Variants in ZMYM2 observed in about 807,000 individuals in gnomAD.
ZMYM2 encodes zinc finger MYM-type containing 2, also known as zinc finger MYM-type protein 2.
A neutral mutation model predicts 162.8 loss-of-function variants in ZMYM2; 56 were observed. The ratio of observed to expected loss-of-function variants is 0.34; its 90% CI spans 0.28 to 0.43. The LOEUF (loss-of-function observed/expected upper bound fraction) is 0.43. Ranked by LOEUF, ZMYM2 falls within the 20% of genes least tolerant of loss-of-function variation. The pLI, the probability that ZMYM2 is intolerant of heterozygous loss-of-function variation, is 1.00. For synonymous variants in ZMYM2, 510 were observed against 541.6 expected (o/e 0.94, Z 0.81); for missense variants, 1,275 against 1,621.8 (o/e 0.79, Z 3.67).
chr13:19,877,989 CCCA>C, the ZMYM2 span, among the ~76,000 whole-genome samples: 1 of 152,072 alleles, frequency 6.6e-6, no homozygotes, highest in Admixed American at 6.6e-5. Flanking sequence ...ATTTTACATT[CCCA>C]CCAACAGTGC....
At chr13:19,991,717 A>G (rs1049772537) in intron 2 of ZMYM2, among the ~76,000 whole-genome samples, 1 of 150,890 alleles carries the variant, frequency 6.6e-6, no homozygotes, top group African/African-American at 2.4e-5. Flanking sequence ...ATCAGCCTCA[A>G]ACTCCCGGCC....
chr13:20,034,695 G>C (rs528255595), intron 11 of ZMYM2, among the ~76,000 whole-genome samples: 1 of 152,224 alleles, frequency 6.6e-6, no homozygotes, highest in South Asian at 2.1e-4. Context: ...TCTGAAAGTT[G>C]GTTTTCCAAG....
chr13:19,863,925 G>T, the ZMYM2 span: 2 of 20,384 alleles, frequency 9.8e-5, no homozygotes, highest in Non-Finnish European at 7.0e-4. Context: ...GGTCCGCCAG[G>T]GTCAGGAGCC....
At position 20,088,206 on chromosome 13, in the gene ZMYM2, G is replaced by A. The variant is rs1266760375; in HGVS notation, c.*2192G>A. ...TTGCAATCCAACGATAGATTAACTT[G>A]ATTCTCAGGGGGAAAAGAAAAACTT... is the stretch of plus-strand genomic sequence containing the variant. On this transcript the variant is annotated 3_prime_UTR_variant, in exon 25 of 25. Transcript: ENST00000610343. 4.8e-6 allele frequency: 1 copy of A among 206,888 alleles called. No homozygotes were observed. Among genetic ancestry groups the A allele is most frequent in the Non-Finnish European group, 9.9e-6 (1 of 101,328 alleles). The allele number at this position is 206,888 out of a possible 1,614,324, so 12.8% of individuals were successfully genotyped here. A position where few individuals can be genotyped will look rare whatever the true frequency, so the allele number is the denominator to read the frequency against.
rs548102275 is a variant in ZMYM2 at position 20,082,985 on chromosome 13, C to A, written c.3773C>A (p.Ala1258Glu). ...AATCCTTTAACGATGGAAAACAAAG[C>A]GTGTCTTCGATACCAAGTGTCTTCC... is the stretch of plus-strand genomic sequence containing the variant. ...KKNPLTMENK[A>E]CLRYQVSSLC... The change falls in exon 23 of 25, where the codon GCG becomes GAG. Residue 1258 changes from alanine (A) to glutamate (E), a missense_variant. This residue lies in a region of ZMYM2 where 103 missense variants were observed against 192.2 expected (regional missense o/e 0.54). Coordinates refer to ENST00000610343, the MANE Select transcript of ZMYM2 (RefSeq NM_197968.4). The A allele has an allele frequency of 6.2e-7, 1 of 1,613,858 alleles. No individual in the cohort carries two copies.
chr13:20,005,446 A>G (rs934605747), intron 5 of ZMYM2, among the ~76,000 whole-genome samples: 7 of 151,970 alleles, frequency 4.6e-5, no homozygotes, highest in African/African-American at 1.5e-4. Context: ...CTCCCAGAGG[A>G]TGATTTCGGA....
the ZMYM2 span, among the ~76,000 whole-genome samples, chr13:19,868,140 C>A: frequency 6.6e-6 from 1 of 152,204 alleles, no homozygotes; most frequent in East Asian, 1.9e-4. Flanking sequence ...ACCACCTGAT[C>A]TGTGTATATG....
intron 7 of ZMYM2, 175 bp from the exon 8 acceptor site, chr13:20,026,437 T>C: frequency 1.9e-6 from 1 of 527,572 alleles, no homozygotes; most frequent in Non-Finnish European, 3.2e-6. Context: ...TGTTTGGACC[T>C]TAGCAGTTGT....
chr13:19,884,220 T>C, the ZMYM2 span, among the ~76,000 whole-genome samples: 4 of 151,898 alleles, frequency 2.6e-5, no homozygotes, highest in Admixed American at 2.6e-4. Context: ...AATTTAAAAA[T>C]TAGCCAAGCA....
At chr13:19,870,580 TTTCC>T in the ZMYM2 span, among the ~76,000 whole-genome samples, 22 of 132,068 alleles carry the variant, frequency 1.7e-4, no homozygotes, top group African/African-American at 5.0e-4. Flanking sequence ...CCTTCTTTCC[TTTCC>T]TTCCTTCCTT....
the ZMYM2 span, among the ~76,000 whole-genome samples, chr13:19,903,286 A>C: frequency 6.6e-6 from 1 of 151,622 alleles, no homozygotes; most frequent in East Asian, 2.0e-4. Context: ...CCATGATTGC[A>C]ACACTGCACT....
At position 19,981,906 on chromosome 13, in the gene ZMYM2, A is replaced by G. The variant is rs143978084; in HGVS notation, c.-10-11157A>G. Among the ~76,000 whole-genome samples, 458 of 152,280 alleles carry G rather than the reference A, an allele frequency of 3.0e-3. 4 individuals carry two copies. The highest frequency in any genetic ancestry group is 0.01 in the African/African-American group (436 of 41,548). On this transcript the variant is annotated intron_variant, in intron 2 of 24. Coordinates refer to ENST00000610343, the MANE Select transcript of ZMYM2 (RefSeq NM_197968.4). ...TCTAAGCCGTTGAGGGTCACAGTACACTGTCGATGTCACATTTCATTAAGG... is the reference window on the plus strand; with the variant it reads ...TCTAAGCCGTTGAGGGTCACAGTACGCTGTCGATGTCACATTTCATTAAGG...
Position 20,003,012 on chromosome 13 carries a change from C to T in ZMYM2, c.1010C>T (p.Pro337Leu). 2 of 1,614,128 alleles carry T rather than the reference C, an allele frequency of 1.2e-6. No homozygotes were observed. Among genetic ancestry groups the T allele is most frequent in the Non-Finnish European group, 1.7e-6 (2 of 1,180,028 alleles). Residue 337 changes from proline to leucine, a missense_variant, in exon 4 of 25, where the codon CCT (proline) becomes CTT (leucine). By Grantham distance (98) the Pro-to-Leu change is moderately conservative. Transcript: ENST00000610343. ...VKVTCANCKKPLQKGQTAYQR... is the reference protein window; with the variant it reads ...VKVTCANCKKLLQKGQTAYQR... Reference sequence around the variant, plus strand: ...GTCACTTGTGCAAACTGCAAAAAACCTTTACAGAAGGGCCAGACAGCTTAT... The same window carrying T: ...GTCACTTGTGCAAACTGCAAAAAACTTTTACAGAAGGGCCAGACAGCTTAT...
rs966896146 is a variant in ZMYM2 at position 20,002,658 on chromosome 13, A to T, written c.848-192A>T. Among the ~76,000 whole-genome samples the T allele has an allele frequency of 1.1e-4, 16 of 152,156 alleles. No individual in the cohort carries two copies. The highest frequency in any genetic ancestry group is 3.9e-4 in the African/African-American group (16 of 41,430). On this transcript the variant is annotated intron_variant, in intron 3 of 24. Transcript: ENST00000610343. ...TTAAAATCTAATGTTAACTATTTTA[A>T]AGAATGTAGTGCATTGTTACCGTGA...
chr13:20,076,604 A>G (rs1957521952), intron 21 of ZMYM2, among the ~76,000 whole-genome samples: 2 of 149,396 alleles, frequency 1.3e-5, no homozygotes, highest in Non-Finnish European at 2.9e-5. Context: ...TTTCTCCAGA[A>G]TTTTTATTTT....
intron 6 of ZMYM2, among the ~76,000 whole-genome samples, chr13:20,008,209 A>C (rs1286618199): frequency 6.6e-6 from 1 of 152,136 alleles, no homozygotes; most frequent in Non-Finnish European, 1.5e-5. Flanking sequence ...AGCTCACTGC[A>C]GTCTACTTTT....
intron 6 of ZMYM2, among the ~76,000 whole-genome samples, chr13:20,014,118 G>C (rs186699722): frequency 6.6e-6 from 1 of 152,134 alleles, no homozygotes; most frequent in Non-Finnish European, 1.5e-5. Flanking sequence ...GTGTCACCCA[G>C]GCTGGAGTGC....
At chr13:20,083,487 A>C (rs1958042363) in intron 23 of ZMYM2, 169 bp from the exon 24 acceptor site, 1 of 601,762 alleles carries the variant, frequency 1.7e-6, no homozygotes, top group Admixed American at 3.5e-5. Context: ...CCTATGTCTT[A>C]AGATGTCTCA....
At chr13:20,002,731 G>A in intron 3 of ZMYM2, 119 bp from the exon 4 acceptor site, 3 of 1,301,882 alleles carry the variant, frequency 2.3e-6, no homozygotes, top group Non-Finnish European at 3.1e-6. Flanking sequence ...CTATGTTGCT[G>A]TTCCATTAAC....
Sources: allele counts gnomAD v4.1 joint callset (sites outside exome capture counted in the v4.1 genomes callset), GRCh38; gene constraint gnomAD v4.1.1; regional missense constraint gnomAD v4.1.1; transcripts MANE v1.5; gene names NCBI Gene and HGNC (gene_info 2026-07-23, HGNC 2026-07-21).